The following ZDHHC5 variants were observed in gnomAD, a reference collection of about 807,000 sequenced individuals.
ZDHHC5 encodes the protein zDHHC palmitoyltransferase 5, also known as palmitoyltransferase ZDHHC5.
A neutral mutation model predicts 70.0 loss-of-function variants in ZDHHC5; 22 were observed. The observed-to-expected ratio is 0.31, with a 90% CI of 0.22 to 0.45. ZDHHC5 has a LOEUF of 0.45. Ranked by LOEUF, ZDHHC5 falls within the 20% of genes least tolerant of loss-of-function variation. ZDHHC5 has a pLI of 1.00. For synonymous variants in ZDHHC5, 313 were observed against 347.8 expected (o/e 0.90, Z 1.11); for missense variants, 746 against 926.9 (o/e 0.80, Z 2.53).
At chr11:57,686,465 G>A (rs1262382744) in intron 3 of ZDHHC5, among the ~76,000 whole-genome samples, 1 of 151,916 alleles carries the variant, frequency 6.6e-6, no homozygotes, top group Non-Finnish European at 1.5e-5. Flanking sequence ...ACAGGAGCGT[G>A]CCACCGTGCC....
intron 3 of ZDHHC5, among the ~76,000 whole-genome samples, chr11:57,687,353 C>T (rs1322653271): frequency 1.3e-5 from 2 of 151,802 alleles, no homozygotes; most frequent in African/African-American, 2.4e-5. Flanking sequence ...GGTGGATTGC[C>T]TGAGCTCAGG....
rs775041221 is a variant in ZDHHC5 at position 57,699,912 on chromosome 11, C to T, written c.2029C>T (p.Pro677Ser). ...KTTYSKSNGQ[P>S]KSLGSASPGP... ...CACCTACAGCAAATCCAACGGGCAG[C>T]CCAAGAGCTTAGGCTCAGCCTCCCC... is the stretch of plus-strand genomic sequence containing the variant. The change falls in exon 12 of 12, where the codon CCC becomes TCC. Residue 677 changes from proline to serine, a missense_variant. Coordinates refer to ENST00000287169, the MANE Select transcript of ZDHHC5 (RefSeq NM_015457.3). 6.2e-7 allele frequency: 1 copy of T among 1,614,276 alleles called. No homozygotes were observed. Among genetic ancestry groups the T allele is most frequent in the Non-Finnish European group, 8.5e-7 (1 of 1,180,052 alleles).
rs1946394904 is a variant in ZDHHC5, at chr11:57,698,902, C to G, written c.1466C>G (p.Pro489Arg). Residue 489 changes from proline to arginine, a missense_variant, in exon 11 of 12, where the codon CCT becomes CGT. Coordinates refer to ENST00000287169, the MANE Select transcript of ZDHHC5 (RefSeq NM_015457.3). Reference protein sequence around the residue: ...SPDFESVQAGPEPDPPLGYTS... With the variant: ...SPDFESVQAGREPDPPLGYTS... The stretch of plus-strand genomic sequence containing the variant: ...GATTTTGAGTCAGTGCAGGCAGGGC[C>G]TGAGCCAGACCCACCTTTAGGCTAT... 1 of 1,614,202 alleles carries G rather than the reference C, an allele frequency of 6.2e-7. No homozygotes were observed. Among genetic ancestry groups the G allele is most frequent in the Non-Finnish European group, 8.5e-7 (1 of 1,180,024 alleles).
chr11:57,674,105 G>C (rs547818356), intron 2 of ZDHHC5, among the ~76,000 whole-genome samples: 62 of 152,324 alleles, frequency 4.1e-4, no homozygotes, highest in African/African-American at 1.4e-3. Flanking sequence ...TTTGGGAAGA[G>C]AGTCCTAAAA....
rs774845047 is a variant in ZDHHC5, at chr11:57,699,995, A to G, written c.2112A>G (p.Ser704=). ...CGAGGGGAGGAGTCAAGAAGGTGTC[A>G]GGGGTTGGTGGTACCACCTATGAGA... ...SPTRGGVKKV[S]GVGGTTYEIS... is the part of the protein sequence containing the mutation. Residue 704 remains serine (S), a synonymous_variant, in exon 12 of 12, where the codon TCA becomes TCG. Coordinates refer to ENST00000287169, the MANE Select transcript of ZDHHC5 (RefSeq NM_015457.3). The G allele has an allele frequency of 1.2e-6, 2 of 1,609,960 alleles. No homozygotes were observed. Among genetic ancestry groups the G allele is most frequent in the African/African-American group, 2.7e-5 (2 of 74,804 alleles).
chr11:57,681,550 C>G (rs1243879634), intron 2 of ZDHHC5: 1 of 152,214 alleles, frequency 6.6e-6, no homozygotes, highest in East Asian at 1.9e-4. Context: ...CCCAGGAAAT[C>G]AGCAGAGAAA....
intron 4 of ZDHHC5, among the ~76,000 whole-genome samples, 186 bp from the exon 5 acceptor site, chr11:57,689,839 GTTGGCC>G (rs1302798598): frequency 6.6e-6 from 1 of 152,098 alleles, no homozygotes; most frequent in Non-Finnish European, 1.5e-5. Flanking sequence ...ACTACGCCTG[GTTGGCC>G]TTGGCCTTTG....
chr11:57,696,898 G>A (rs1946360000), intron 10 of ZDHHC5, 25 bp downstream of exon 10: 5 of 1,608,480 alleles, frequency 3.1e-6, no homozygotes, highest in Non-Finnish European at 4.3e-6. Context: ...AAGAGGTGGG[G>A]TAATAACATG....
chr11:57,684,396 C>T (rs1287233722), intron 3 of ZDHHC5, among the ~76,000 whole-genome samples: 3 of 152,098 alleles, frequency 2.0e-5, no homozygotes, highest in Non-Finnish European at 4.4e-5. Context: ...CCAGCCTGAC[C>T]AACATGGAGA....
Position 57,700,081 on chromosome 11 carries a change from C to A in ZDHHC5, c.*50C>A. The A allele has an allele frequency of 6.6e-7, 1 of 1,512,764 alleles. No homozygotes were observed. The highest frequency in any genetic ancestry group is 2.3e-5 in the East Asian group (1 of 43,404). 93.7% of individuals were successfully genotyped at this position (1,512,764 alleles called of 1,614,324 possible). On this transcript the variant is annotated 3_prime_UTR_variant, in exon 12 of 12. Transcript: ENST00000287169. ...CGCCTCTGCGCCTACACCAAAGGGCCCCAGGTGGCCACCTTCCTTCCCTCA... is the reference window on the plus strand; with the variant it reads ...CGCCTCTGCGCCTACACCAAAGGGCACCAGGTGGCCACCTTCCTTCCCTCA...
intron 2 of ZDHHC5, among the ~76,000 whole-genome samples, chr11:57,680,023 T>C (rs999638614): frequency 1.3e-5 from 2 of 152,154 alleles, no homozygotes; most frequent in South Asian, 4.1e-4. Context: ...ATCCAGAAGG[T>C]TGTAGGGTAA....
rs199525387 is a variant in ZDHHC5, at chr11:57,700,025, G to C, written c.2142G>C (p.Ser714=). ...TTGGTGGTACCACCTATGAGATTTC[G>C]GTGTGAGCCTTCGGCACCTCCCCTC... ...SGVGGTTYEI[S]V Residue 714 remains serine, a synonymous_variant, in exon 12 of 12, where the codon TCG becomes TCC. Transcript: ENST00000287169. 6.3e-7 allele frequency: 1 copy of C among 1,577,636 alleles called. No homozygotes were observed.
chr11:57,691,700 C>A, intron 6 of ZDHHC5, among the ~76,000 whole-genome samples: 1 of 151,052 alleles, frequency 6.6e-6, no homozygotes. Flanking sequence ...TTTAGTTTGT[C>A]AAAAATCATA....
chr11:57,688,017 C>T (rs981586717), intron 3 of ZDHHC5, among the ~76,000 whole-genome samples: 4 of 151,926 alleles, frequency 2.6e-5, no homozygotes, highest in Admixed American at 1.3e-4. Context: ...GCAATCCGCC[C>T]TTCTCGGCCT....
rs1946016974 is a variant in ZDHHC5 at position 57,672,360 on chromosome 11, T to G, written c.-731T>G. ...AAAGAAAAGGATTTACAGCTCAAAC[T>G]TAGAACAGCTGTTGTCCAGCTTTAG... On this transcript the variant is annotated 5_prime_UTR_variant, in exon 2 of 12. Transcript: ENST00000287169. 1 of 396,464 alleles carries G rather than the reference T, an allele frequency of 2.5e-6. No homozygotes were observed. The highest frequency in any genetic ancestry group is 2.1e-5 in the African/African-American group (1 of 48,592). The allele number at this position is 396,464 out of a possible 1,614,324, so 24.6% of individuals were successfully genotyped here.
At position 57,672,477 on chromosome 11, in the gene ZDHHC5, C is replaced by T; in HGVS notation, c.-614C>T. The T allele has an allele frequency of 2.7e-6, 1 of 372,748 alleles. No homozygotes were observed. Among genetic ancestry groups the T allele is most frequent in the Non-Finnish European group, 4.8e-6 (1 of 210,384 alleles). The allele number at this position is 372,748 out of a possible 1,614,324, so 23.1% of individuals were successfully genotyped here. A position where few individuals can be genotyped will look rare whatever the true frequency, so the allele number is the denominator to read the frequency against. On this transcript the variant is annotated 5_prime_UTR_variant, in exon 2 of 12. Coordinates refer to ENST00000287169, the MANE Select transcript of ZDHHC5 (RefSeq NM_015457.3). ...GGAGTGGTGGCATTGAGAAGACTAC[C>T]TAAAAGAGACAAAGACTGCAGTAAA...
In ZDHHC5 at chr11:57,696,819, G is replaced by A. The variant is rs778184833; in HGVS notation, c.1068G>A (p.Pro356=). The A allele has an allele frequency of 4.6e-5, 74 of 1,613,922 alleles. No individual in the cohort carries two copies. The highest frequency in any genetic ancestry group is 4.7e-5 in the Non-Finnish European group (56 of 1,179,928). ...CACCTACCATGTACAAGTATCGGCC[G>A]GGTTACAGTAGCAGCAGTACGTCAG... ...PPTPTMYKYR[P]GYSSSSTSAA... is the part of the protein sequence containing the mutation. The change falls in exon 10 of 12, where the codon CCG becomes CCA. Residue 356 remains proline (P), a synonymous_variant. Transcript: ENST00000287169.
chr11:57,695,921 C>A lies in ZDHHC5; in HGVS notation c.887C>A (p.Ser296Tyr). Residue 296 changes from serine to tyrosine, a missense_variant and splice_region_variant, in exon 9 of 12, where the codon TCT (serine) becomes TAT (tyrosine). Transcript: ENST00000287169. ...GIQGELRRTK[S>Y]KGSLEITESQ... Reference sequence around the variant, plus strand: ...TTTTCCCTCCCTTCATCAATCCAGTCTAAGGGAAGCCTGGAGATAACAGAG... The same window carrying A: ...TTTTCCCTCCCTTCATCAATCCAGTATAAGGGAAGCCTGGAGATAACAGAG... 1 of 1,613,432 alleles carries A rather than the reference C, an allele frequency of 6.2e-7. No homozygotes were observed. Among genetic ancestry groups the A allele is most frequent in the Middle Eastern group, 1.7e-4 (1 of 6,056 alleles).
At chr11:57,684,119 C>T (rs984085686) in intron 3 of ZDHHC5, among the ~76,000 whole-genome samples, 3 of 151,952 alleles carry the variant, frequency 2.0e-5, no homozygotes, top group African/African-American at 4.8e-5. Flanking sequence ...ACTACAGGCG[C>T]GGGCCACCAC....
Sources: allele counts gnomAD v4.1 joint callset (sites outside exome capture counted in the v4.1 genomes callset), GRCh38; gene constraint gnomAD v4.1.1; transcripts MANE v1.5; gene names NCBI Gene and HGNC (gene_info 2026-07-23, HGNC 2026-07-21).